Variants in ANKRD34B observed in about 807,000 individuals in gnomAD.
ANKRD34B encodes ankyrin repeat domain 34B, also known as ankyrin repeat domain-containing protein 34B.
ANKRD34B carries 2 observed loss-of-function variants against 4.4 expected under a neutral mutation model. The ratio of observed to expected loss-of-function variants is 0.46; its 90% CI spans 0.19 to 1.44. The LOEUF (loss-of-function observed/expected upper bound fraction) is 1.44, where lower values mean the gene tolerates loss of function less well. Among genes scored for constraint, ANKRD34B ranks in the 40% most tolerant of loss-of-function variants. The probability of loss-of-function intolerance (pLI) is 0.26; values close to 1 mark genes in which losing one functional copy is unlikely to be tolerated. For missense variants in ANKRD34B, 558 were observed against 604.7 expected, an observed-to-expected ratio of 0.92 and a Z score of 0.81; for synonymous variants, 226 against 227.1, an observed-to-expected ratio of 0.99 and a Z score of 0.05.
chr5:80,567,019 C>T (rs961649707), intron 2 of ANKRD34B, among the ~76,000 whole-genome samples: 3 of 152,046 alleles, frequency 2.0e-5, no homozygotes, highest in Admixed American at 6.6e-5. Flanking sequence ...GGAAGGGCCT[C>T]GGCACTCACT....
Position 80,556,809 on chromosome 5 carries a change from T to C in ANKRD34B, c.*1666A>G, listed in dbSNP as rs927721536. 3 of 152,638 alleles carry C rather than the reference T, an allele frequency of 2.0e-5. No homozygotes were observed. The highest frequency in any genetic ancestry group is 4.1e-4 in the South Asian group (2 of 4,836). 9.5% of individuals were successfully genotyped at this position (152,638 alleles called of 1,614,324 possible). A position where few individuals can be genotyped will look rare whatever the true frequency, so the allele number is the denominator to read the frequency against. ...TTGTTTATGAACTAATCTATTTACA[T>C]ACCCTTCCAAATTGTATCCTTACAA... On this transcript the variant is annotated 3_prime_UTR_variant, in exon 5 of 5. Transcript: ENST00000338682.
At chr5:80,564,975 G>A (rs1671319932) in intron 3 of ANKRD34B, among the ~76,000 whole-genome samples, 1 of 152,198 alleles carries the variant, frequency 6.6e-6, no homozygotes, top group Non-Finnish European at 1.5e-5. Flanking sequence ...AAAGTGCTGG[G>A]ATTACAGGCG....
chr5:80,566,119 G>A (rs771363745), intron 3 of ANKRD34B, among the ~76,000 whole-genome samples: 1 of 152,134 alleles, frequency 6.6e-6, no homozygotes, highest in Non-Finnish European at 1.5e-5. Flanking sequence ...GAAAATTGGA[G>A]GAGAGATACC....
chr5:80,561,900 A>G (rs1386630000), intron 4 of ANKRD34B, among the ~76,000 whole-genome samples: 1 of 152,166 alleles, frequency 6.6e-6, no homozygotes, highest in Non-Finnish European at 1.5e-5. Context: ...AATATGGCAG[A>G]ACACACACAT....
chr5:80,568,019 C>G (rs558462393), intron 2 of ANKRD34B, among the ~76,000 whole-genome samples: 1 of 152,146 alleles, frequency 6.6e-6, no homozygotes, highest in Non-Finnish European at 1.5e-5. Flanking sequence ...TTGCTACTTA[C>G]GAATTCAATA....
chr5:80,560,944 T>C (rs1428241616), intron 4 of ANKRD34B, among the ~76,000 whole-genome samples: 1 of 152,208 alleles, frequency 6.6e-6, no homozygotes, highest in Non-Finnish European at 1.5e-5. Context: ...GAGATTGGAA[T>C]GGTGAGCATG....
At chr5:80,566,092 G>A (rs1206303677) in intron 3 of ANKRD34B, among the ~76,000 whole-genome samples, 1 of 152,116 alleles carries the variant, frequency 6.6e-6, no homozygotes, top group African/African-American at 2.4e-5. Flanking sequence ...TTAAATATGT[G>A]TATTTTTAAG....
chr5:80,565,181 T>TA (rs1746529241), intron 3 of ANKRD34B, among the ~76,000 whole-genome samples: 1 of 152,244 alleles, frequency 6.6e-6, no homozygotes, highest in Non-Finnish European at 1.5e-5. Flanking sequence ...CTTCATCCTT[T>TA]TCCAGGGGTT....
intron 2 of ANKRD34B, 35 bp downstream of exon 2, chr5:80,568,925 C>CACGCACACACACACAG: frequency 2.0e-5 from 1 of 49,850 alleles, no homozygotes; most frequent in African/African-American, 6.7e-5. Context: ...CACACACACA[C>CACGCACACACACACAG]AGAGAGAGAG....
chr5:80,562,052 C>CGTGTGTGTGTGTGT lies in ANKRD34B; in HGVS notation c.-24+1669_-24+1682dup, dbSNP rs56934964. Among the ~76,000 whole-genome samples the CGTGTGTGTGTGTGT allele has an allele frequency of 6.4e-4, 82 of 128,332 alleles. 1 individual carries two copies. The highest frequency in any genetic ancestry group is 1.9e-3 in the East Asian group (7 of 3,682). The allele number at this position is 128,332 out of a possible 152,430, so 84.2% of individuals were successfully genotyped here. A position where few individuals can be genotyped will look rare whatever the true frequency, so the allele number is the denominator to read the frequency against. On this transcript the variant is annotated intron_variant, in intron 4 of 4. Transcript: ENST00000338682. ...GATGAGCCAGTAGTAACTGACTCAG[C>CGTGTGTGTGTGTGT]GTGTGTGTGTGTGTGTGTGTGTGTG...
intron 3 of ANKRD34B, among the ~76,000 whole-genome samples, chr5:80,565,791 C>T (rs1746547345): frequency 6.6e-6 from 1 of 151,940 alleles, no homozygotes; most frequent in Non-Finnish European, 1.5e-5. Flanking sequence ...TTCTAAGATG[C>T]TATGCTTCTT....
At chr5:80,565,617 A>G (rs548979802) in intron 3 of ANKRD34B, among the ~76,000 whole-genome samples, 1 of 152,366 alleles carries the variant, frequency 6.6e-6, no homozygotes, top group African/African-American at 2.4e-5. Flanking sequence ...GACACTGTCT[A>G]GAGAAATACT....
Position 80,559,553 on chromosome 5 carries a change from A to T in ANKRD34B, c.467T>A (p.Leu156Ter), listed in dbSNP as rs32857. The part of the protein sequence containing the change: ...KEVIIITTAK[L>*]PCGKHTTKQY... ...TTTAGTAGTATGCTTCCCACAGGGC[A>T]ACTTTGCTGTTGTGATGATGATGAC... The change falls in exon 5 of 5, where the codon TTG becomes TAG. Residue 156 changes from leucine (L) to a stop codon, truncating the protein, a stop_gained. Coordinates refer to ENST00000338682, the MANE Select transcript of ANKRD34B (RefSeq NM_001004441.3). LOFTEE classifies it low-confidence loss of function (END_TRUNC). 1 of 1,614,114 alleles carries T rather than the reference A, an allele frequency of 6.2e-7. No individual in the cohort carries two copies. Among genetic ancestry groups the T allele is most frequent in the Non-Finnish European group, 8.5e-7 (1 of 1,180,014 alleles).
At chr5:80,560,513 T>A (rs1249793245) in intron 4 of ANKRD34B, among the ~76,000 whole-genome samples, 1 of 151,976 alleles carries the variant, frequency 6.6e-6, no homozygotes, top group Non-Finnish European at 1.5e-5. Flanking sequence ...AGTTTTAAAA[T>A]TAGCTGGGCA....
chr5:80,568,062 C>T (rs1395303993), intron 2 of ANKRD34B, among the ~76,000 whole-genome samples: 1 of 152,200 alleles, frequency 6.6e-6, no homozygotes, highest in African/African-American at 2.4e-5. Flanking sequence ...TCACCAAATA[C>T]AGGCACTGCA....
intron 2 of ANKRD34B, among the ~76,000 whole-genome samples, chr5:80,567,783 C>A (rs1405563350): frequency 3.3e-5 from 5 of 151,908 alleles, no homozygotes; most frequent in Non-Finnish European, 7.4e-5. Flanking sequence ...AAAATTCAGC[C>A]CGTCGCCCTT....
chr5:80,559,598 C>A lies in ANKRD34B; in HGVS notation c.422G>T (p.Cys141Phe). The change falls in exon 5 of 5, where the codon TGC becomes TTC. Residue 141 changes from cysteine (C) to phenylalanine (F), a missense_variant. Physicochemically the swap from Cys to Phe is radical, Grantham distance 205 (BLOSUM62 -2). Coordinates refer to ENST00000338682, the MANE Select transcript of ANKRD34B (RefSeq NM_001004441.3). ...GATGACCTCTTTCCCTTTTGCCTTG[C>A]AAGCACTAAGAAGAACTTTCAGGGT... ...TETLKVLLSA[C>F]KAKGKEVIII... The A allele has an allele frequency of 6.2e-7, 1 of 1,614,198 alleles. No individual in the cohort carries two copies. Among genetic ancestry groups the A allele is most frequent in the Admixed American group, 1.7e-5 (1 of 60,016 alleles).
chr5:80,569,439 G>C (rs1194440005), intron 1 of ANKRD34B, among the ~76,000 whole-genome samples: 1 of 152,160 alleles, frequency 6.6e-6, no homozygotes, highest in Non-Finnish European at 1.5e-5. Context: ...CACCTGAGAA[G>C]GGCGGGAACC....
At chr5:80,565,924 T>C (rs975103169) in intron 3 of ANKRD34B, among the ~76,000 whole-genome samples, 2 of 152,172 alleles carry the variant, frequency 1.3e-5, no homozygotes, top group Admixed American at 6.5e-5. Context: ...ATATTAATTA[T>C]TAAACAGCTG....
Sources: allele counts gnomAD v4.1 joint callset (sites outside exome capture counted in the v4.1 genomes callset), GRCh38; gene constraint gnomAD v4.1.1; transcripts MANE v1.5; gene names NCBI Gene and HGNC (gene_info 2026-07-23, HGNC 2026-07-21).